CD46: variants seen among roughly 807,000 people sequenced by gnomAD.
CD46 encodes the protein membrane cofactor protein.
A neutral mutation model predicts 53.3 loss-of-function variants in CD46; 30 were observed. The observed-to-expected ratio is 0.56, with a 90% CI of 0.42 to 0.76. CD46 has a LOEUF of 0.76. Ranked by LOEUF, CD46 falls within the 30% of genes least tolerant of loss-of-function variation. The pLI is 0.00. For synonymous variants in CD46, 142 were observed against 152.0 expected (o/e 0.93, Z 0.48); for missense variants, 409 against 463.0 (o/e 0.88, Z 1.07).
Position 207,767,759 on chromosome 1 carries a change from A to G in CD46, c.857-20A>G, listed in dbSNP as rs769907100. On this transcript the variant is annotated intron_variant, in intron 6 of 12. Transcript: ENST00000367042. Reference sequence around the variant, plus strand: ...CTCCCAAGTGTTTGGTCCAATCTACATTATTATTTTGTTTTCCAGTGTCGA... The same window carrying G: ...CTCCCAAGTGTTTGGTCCAATCTACGTTATTATTTTGTTTTCCAGTGTCGA... 6.2e-7 allele frequency: 1 copy of G among 1,610,680 alleles called. No individual in the cohort carries two copies. Among genetic ancestry groups the G allele is most frequent in the South Asian group, 1.1e-5 (1 of 90,974 alleles).
intron 8 of CD46, among the ~76,000 whole-genome samples, chr1:207,776,052 C>A (rs1658067334): frequency 7.2e-5 from 11 of 152,152 alleles, no homozygotes; most frequent in Admixed American, 7.2e-4. Context: ...TTTGTTTACA[C>A]TGTGAGCTAC....
chr1:207,771,735 T>C (rs1657527249), intron 8 of CD46, among the ~76,000 whole-genome samples: 1 of 152,228 alleles, frequency 6.6e-6, no homozygotes, highest in South Asian at 2.1e-4. Flanking sequence ...CTAAGGCCTC[T>C]ATTCTGTTCC....
At chr1:207,758,879 A>T (rs1399817331) in intron 3 of CD46, among the ~76,000 whole-genome samples, 1 of 152,226 alleles carries the variant, frequency 6.6e-6, no homozygotes, top group Non-Finnish European at 1.5e-5. Context: ...GAGAAATAAT[A>T]TATACTGAGA....
chr1:207,792,831 T>G (rs368834035), intron 12 of CD46, among the ~76,000 whole-genome samples: 1 of 152,214 alleles, frequency 6.6e-6, no homozygotes, highest in South Asian at 2.1e-4. Context: ...ACACACTGGA[T>G]TTCAAAGACT....
At chr1:207,773,876 A>G (rs1224282853) in intron 8 of CD46, among the ~76,000 whole-genome samples, 1 of 152,168 alleles carries the variant, frequency 6.6e-6, no homozygotes, top group African/African-American at 2.4e-5. Context: ...TGGGGTGTAG[A>G]GTTCTGTAGA....
At chr1:207,772,184 A>G (rs1657587041) in intron 8 of CD46, among the ~76,000 whole-genome samples, 1 of 152,156 alleles carries the variant, frequency 6.6e-6, no homozygotes, top group Non-Finnish European at 1.5e-5. Context: ...GAATTCACTC[A>G]TTATTTGGCT....
chr1:207,785,784 T>G, intron 11 of CD46, 102 bp downstream of exon 11: 1 of 763,692 alleles, frequency 1.3e-6, no homozygotes, highest in Non-Finnish European at 2.3e-6. Context: ...TATCTTTTTT[T>G]TTTTTTTAAA....
chr1:207,767,024 C>T lies in CD46; in HGVS notation c.685C>T (p.Arg229Ter), dbSNP rs1553251787. 2 of 1,613,084 alleles carry T rather than the reference C, an allele frequency of 1.2e-6. No individual in the cohort carries two copies. Among genetic ancestry groups the T allele is most frequent in the Non-Finnish European group, 1.7e-6 (2 of 1,179,246 alleles). ...CTCTAATTTTCCAGTGGTCAAATGTCGATTTCCAGTAGTCGAAAATGGAAA... is the reference window on the plus strand; with the variant it reads ...CTCTAATTTTCCAGTGGTCAAATGTTGATTTCCAGTAGTCGAAAATGGAAA... ...AAPECKVVKC[R>*]FPVVENGKQI... The change falls in exon 6 of 13, where the codon CGA (arginine) becomes TGA (stop). Residue 229 changes from arginine to a stop codon, truncating the protein, a stop_gained. Coordinates refer to ENST00000367042, the MANE Select transcript of CD46 (RefSeq NM_172351.3). LOFTEE classifies it high-confidence loss of function.
At chr1:207,784,971 G>A in intron 9 of CD46, 100 bp from the exon 10 acceptor site, 2 of 991,938 alleles carry the variant, frequency 2.0e-6, no homozygotes, top group Non-Finnish European at 3.2e-6. Context: ...TTTGGGTGGG[G>A]ACACAGCCAA....
At position 207,759,620 on chromosome 1, in the gene CD46, C is replaced by A. The variant is rs778547874; in HGVS notation, c.390-19C>A. 2.3e-6 allele frequency: 3 copies of A among 1,315,610 alleles called. No homozygotes were observed. The allele number at this position is 1,315,610 out of a possible 1,614,324, so 81.5% of individuals were successfully genotyped here. On this transcript the variant is annotated intron_variant, in intron 3 of 12. Coordinates refer to ENST00000367042, the MANE Select transcript of CD46 (RefSeq NM_172351.3). ...ATTAATTGCTATACAAAACAGTAAC[C>A]CTTTCTTTTCTCATTTAGTTATTAC...
chr1:207,790,811 A>G (rs2102714517), intron 12 of CD46, among the ~76,000 whole-genome samples: 1 of 152,348 alleles, frequency 6.6e-6, no homozygotes, highest in South Asian at 2.1e-4. Context: ...CTGGGCTGGG[A>G]TATTTTTAGC....
intron 8 of CD46, 51 bp from the exon 9 acceptor site, chr1:207,783,241 A>C: frequency 4.2e-5 from 38 of 903,798 alleles, no homozygotes; most frequent in Non-Finnish European, 5.3e-5. Flanking sequence ...CTTTATATTT[A>C]ATTCTTTCCT....
chr1:207,781,362 A>G (rs985903723), intron 8 of CD46, among the ~76,000 whole-genome samples: 3 of 152,050 alleles, frequency 2.0e-5, no homozygotes, highest in Non-Finnish European at 4.4e-5. Flanking sequence ...TGATTTACAA[A>G]TATTTCCTCT....
At chr1:207,759,547 G>T (rs1655951296) in intron 3 of CD46, 92 bp from the exon 4 acceptor site, 1 of 728,524 alleles carries the variant, frequency 1.4e-6, no homozygotes, top group Non-Finnish European at 2.4e-6. Flanking sequence ...CTACTGTAGT[G>T]TAGAAAAGAA....
At chr1:207,776,494 A>AT (rs1162789156) in intron 8 of CD46, among the ~76,000 whole-genome samples, 4 of 151,986 alleles carry the variant, frequency 2.6e-5, no homozygotes, top group Admixed American at 1.3e-4. Context: ...CTTGGACAAG[A>AT]TTTTTTTTTA....
Position 207,752,127 on chromosome 1 carries a change from T to C in CD46, c.-86T>C, listed in dbSNP as rs1571560022. 6 of 1,231,560 alleles carry C rather than the reference T, an allele frequency of 4.9e-6. No individual in the cohort carries two copies. In the East Asian group the frequency reaches 1.2e-4, roughly 24 times the overall value. 76.3% of individuals were successfully genotyped at this position (1,231,560 alleles called of 1,614,324 possible). On this transcript the variant is annotated 5_prime_UTR_variant, in exon 1 of 13. Coordinates refer to ENST00000367042, the MANE Select transcript of CD46 (RefSeq NM_172351.3). This position sits in a 1 kb window ranked among gnomAD's most constrained non-coding sequence, Gnocchi z 4.1. ...GTTGGGGATTGTTGCGTCCCATATC[T>C]GGACCCAGAAGGGACTTCCCTGCTC...
chr1:207,774,543 G>A (rs1657886413), intron 8 of CD46, among the ~76,000 whole-genome samples: 1 of 152,178 alleles, frequency 6.6e-6, no homozygotes, highest in Admixed American at 6.5e-5. Context: ...TCCATGTTTA[G>A]TGCTTCCTTC....
At chr1:207,784,102 T>TGGCA (rs1659048312) in intron 9 of CD46, among the ~76,000 whole-genome samples, 1 of 152,212 alleles carries the variant, frequency 6.6e-6, no homozygotes, top group African/African-American at 2.4e-5. Context: ...CCCTGGTGTT[T>TGGCA]CATTTATTAT....
chr1:207,776,261 C>G (rs2102642827), intron 8 of CD46, among the ~76,000 whole-genome samples: 1 of 152,354 alleles, frequency 6.6e-6, no homozygotes, highest in East Asian at 1.9e-4. Flanking sequence ...TGTACTGTTT[C>G]TCCAGGTACA....
Sources: gnomAD v4.1 joint callset for allele counts (sites outside exome capture counted in the v4.1 genomes callset) on GRCh38, gnomAD v4.1.1 for gene constraint, Gnocchi (gnomAD v3.1) non-coding constraint, MANE v1.5 for transcripts, NCBI Gene and HGNC (gene_info 2026-07-23, HGNC 2026-07-21) for gene names.